Variants in RECK observed in about 807,000 individuals in gnomAD.
RECK encodes reversion inducing cysteine rich protein with kazal motifs, also known as reversion-inducing cysteine-rich protein with Kazal motifs.
A neutral mutation model predicts 115.1 loss-of-function variants in RECK; 69 were observed. The observed-to-expected ratio is 0.60, with a 90% CI of 0.49 to 0.73. RECK has a LOEUF of 0.73. RECK is among the 30% of genes least tolerant of loss of function. The pLI, the probability that RECK is intolerant of heterozygous loss-of-function variation, is 0.00. For missense variants in RECK, 1,047 were observed against 1,203.7 expected (o/e 0.87, Z 1.93); for synonymous variants, 414 against 419.7 (o/e 0.99, Z 0.17).
At chr9:36,100,598 C>A in intron 11 of RECK, 55 bp downstream of exon 11, 1 of 1,338,028 alleles carries the variant, frequency 7.5e-7, no homozygotes. Context: ...CCTCCGTGAT[C>A]TCTAGCCAGA....
At chr9:36,045,354 A>G (rs1278002733) in intron 1 of RECK, among the ~76,000 whole-genome samples, 1 of 152,220 alleles carries the variant, frequency 6.6e-6, no homozygotes, top group East Asian at 1.9e-4. Flanking sequence ...TTTGAAAATT[A>G]AAATTTGATT....
chr9:36,088,068 C>A, intron 9 of RECK, 107 bp downstream of exon 9: 2 of 783,908 alleles, frequency 2.6e-6, no homozygotes, highest in Non-Finnish European at 4.2e-6. Context: ...ATAGGTTTAG[C>A]ATTTAGAAAA....
At chr9:36,039,271 T>C (rs1448714381) in intron 1 of RECK, among the ~76,000 whole-genome samples, 1 of 152,232 alleles carries the variant, frequency 6.6e-6, no homozygotes, top group African/African-American at 2.4e-5. Context: ...TTGAGTAATA[T>C]AATGGACAAA....
chr9:36,082,408 T>C (rs1043976820), intron 7 of RECK, among the ~76,000 whole-genome samples: 1 of 152,140 alleles, frequency 6.6e-6, no homozygotes, highest in African/African-American at 2.4e-5. Flanking sequence ...GGTCTCAAAC[T>C]CCTGGACTTC....
rs548858204 is a variant in RECK at position 36,099,468 on chromosome 9, G to A, written c.1086-863G>A. On this transcript the variant is annotated intron_variant, in intron 10 of 20. Transcript: ENST00000377966. ...ATAAAAATACTTATATTAACATGTA[G>A]TGGGTTTATTATAATTTTAAATAAC... 4.5e-4 allele frequency among the ~76,000 whole-genome samples: 68 copies of A among 152,266 alleles called. 2 individuals are homozygous for A. In the South Asian group the frequency reaches 0.013, roughly 29 times the overall value.
chr9:36,110,337 T>C (rs1028430925), intron 15 of RECK, among the ~76,000 whole-genome samples: 1 of 152,168 alleles, frequency 6.6e-6, no homozygotes, highest in Non-Finnish European at 1.5e-5. Context: ...GAGCCAGTGA[T>C]TGGAATGGGT....
rs1564133238 is a variant in RECK at position 36,108,181 on chromosome 9, G to A, written c.1765+17G>A. The A allele has an allele frequency of 1.3e-6, 2 of 1,556,490 alleles. No homozygotes were observed. Among genetic ancestry groups the A allele is most frequent in the Admixed American group, 2.1e-5 (1 of 47,422 alleles). On this transcript the variant is annotated intron_variant, in intron 14 of 20. Coordinates refer to ENST00000377966, the MANE Select transcript of RECK (RefSeq NM_021111.3). ...AAAGAAAAAGTGAGTCTTAAGCTCT[G>A]ATTTTGTTTTTAATATGAGATTAGT...
intron 12 of RECK, among the ~76,000 whole-genome samples, chr9:36,103,578 C>A (rs752309841): frequency 6.6e-6 from 1 of 152,162 alleles, no homozygotes; most frequent in African/African-American, 2.4e-5. Context: ...GGGCCCATTG[C>A]GGCCCTAAGT....
chr9:36,090,598 A>G (rs7862447), intron 9 of RECK, among the ~76,000 whole-genome samples: 3,797 of 152,290 alleles, frequency 0.025, 169 homozygotes, highest in African/African-American at 0.085. Context: ...CTTTGTAATC[A>G]TTGAGTACTA....
At chr9:36,109,431 A>T (rs1372232300) in intron 14 of RECK, among the ~76,000 whole-genome samples, 2 of 152,224 alleles carry the variant, frequency 1.3e-5, no homozygotes, top group Admixed American at 6.5e-5. Flanking sequence ...TTCTTAGAGG[A>T]TAGGGAGCAC....
chr9:36,059,276 G>C (rs1402038374), intron 3 of RECK, among the ~76,000 whole-genome samples: 1 of 152,014 alleles, frequency 6.6e-6, no homozygotes, highest in Non-Finnish European at 1.5e-5. Context: ...GGCCAGCATA[G>C]TGAAACCCGT....
At chr9:36,047,064 G>T (rs956548132) in intron 1 of RECK, among the ~76,000 whole-genome samples, 1 of 152,090 alleles carries the variant, frequency 6.6e-6, no homozygotes, top group African/African-American at 2.4e-5. Flanking sequence ...GCCTTTTTCT[G>T]TTTATTGGGA....
rs73648707 is a variant in RECK at position 36,078,739 on chromosome 9, A to G, written c.406-1866A>G. Among the ~76,000 whole-genome samples the G allele has an allele frequency of 4.9e-3, 740 of 152,304 alleles. 4 individuals carry two copies. Among genetic ancestry groups the G allele is most frequent in the African/African-American group, 0.017 (714 of 41,554 alleles). On this transcript the variant is annotated intron_variant, in intron 6 of 20. Coordinates refer to ENST00000377966, the MANE Select transcript of RECK (RefSeq NM_021111.3). Reference sequence around the variant, plus strand: ...TTATCAAACATATTTATTCAGGTACAAGGTCAAAAAAAGCCAAACCAAAGG... The same window carrying G: ...TTATCAAACATATTTATTCAGGTACGAGGTCAAAAAAAGCCAAACCAAAGG...
At chr9:36,064,950 A>G (rs574202205) in intron 5 of RECK, among the ~76,000 whole-genome samples, 51 of 152,220 alleles carry the variant, frequency 3.4e-4, no homozygotes, top group African/African-American at 1.1e-3. Flanking sequence ...TAGAAAGTAT[A>G]TACTTAAATA....
intron 6 of RECK, among the ~76,000 whole-genome samples, chr9:36,066,212 A>G (rs1320373603): frequency 1.3e-5 from 2 of 152,164 alleles, no homozygotes; most frequent in African/African-American, 4.8e-5. Flanking sequence ...AGTATTTTAC[A>G]CCATACAAAT....
intron 11 of RECK, 34 bp from the exon 12 acceptor site, chr9:36,102,060 C>T (rs374653638): frequency 1.3e-6 from 2 of 1,597,240 alleles, no homozygotes; most frequent in Non-Finnish European, 1.7e-6. Flanking sequence ...GGAGGTTCCT[C>T]AAGCTCTAAA....
chr9:36,040,066 ATAT>A (rs35175854), intron 1 of RECK, among the ~76,000 whole-genome samples: 8,894 of 152,240 alleles, frequency 0.058, 404 homozygotes, highest in South Asian at 0.18. Flanking sequence ...AACAAAAGAG[ATAT>A]TATGAGGTTT....
In RECK at chr9:36,112,409, C is replaced by A; in HGVS notation, c.1993C>A (p.Gln665Lys). 6.2e-7 allele frequency: 1 copy of A among 1,614,116 alleles called. No individual in the cohort carries two copies. The highest frequency in any genetic ancestry group is 8.5e-7 in the Non-Finnish European group (1 of 1,180,038). ...IARCVGLQDH[Q>K]FEFGSCMSKD... ...TCGCTGTGTGGGCCTCCAAGACCAT[C>A]AGTTTGAGTTTGGATCATGCATGTC... The change falls in exon 16 of 21, where the codon CAG becomes AAG. Residue 665 changes from glutamine (Q) to lysine (K), a missense_variant. Transcript: ENST00000377966.
chr9:36,115,173 G>A (rs1490254889), intron 16 of RECK, among the ~76,000 whole-genome samples: 1 of 151,902 alleles, frequency 6.6e-6, no homozygotes, highest in Non-Finnish European at 1.5e-5. Flanking sequence ...AAATTAGCTG[G>A]GCGTGGTGGC....
Sources: gnomAD v4.1 joint callset for allele counts (sites outside exome capture counted in the v4.1 genomes callset) on GRCh38, gnomAD v4.1.1 for gene constraint, MANE v1.5 for transcripts, NCBI Gene and HGNC (gene_info 2026-07-23, HGNC 2026-07-21) for gene names.